The following KANSL1 variants were observed in gnomAD, a reference collection of about 807,000 sequenced individuals.
KANSL1 encodes KAT8 regulatory NSL complex subunit 1, also known as MLL1/MLL complex subunit KANSL1.
KANSL1 carries 22 observed loss-of-function variants against 103.6 expected under a neutral mutation model. The ratio of observed to expected loss-of-function variants is 0.21; its 90% CI spans 0.15 to 0.30. The LOEUF is 0.30. Among genes scored for constraint, KANSL1 ranks in the 10% least tolerant of loss-of-function variants. The pLI is 1.00. For synonymous variants in KANSL1, 600 were observed against 527.6 expected (o/e 1.14, Z -1.88); for missense variants, 1,337 against 1,399.8 (o/e 0.96, Z 0.72).
chr17:46,105,904 TTG>T (rs2042522995), intron 2 of KANSL1, among the ~76,000 whole-genome samples: 1 of 84,796 alleles, frequency 1.2e-5, no homozygotes, highest in Non-Finnish European at 2.4e-5. Context: ...GAGCAAGGCC[TTG>T]ACACACACAC....
At chr17:46,182,398 T>G (rs1180780071) in intron 1 of KANSL1, among the ~76,000 whole-genome samples, 4 of 152,358 alleles carry the variant, frequency 2.6e-5, no homozygotes, top group Admixed American at 2.6e-4. Flanking sequence ...CATTATGGAA[T>G]GCACTGCAAA....
At chr17:46,075,340 ACACTCT>A (rs904224903) in intron 4 of KANSL1, among the ~76,000 whole-genome samples, 4 of 152,058 alleles carry the variant, frequency 2.6e-5, no homozygotes, top group African/African-American at 9.7e-5. Context: ...CAACACACAC[ACACTCT>A]CTCTTTCTTT....
chr17:46,207,509 C>CAAA, intron 1 of KANSL1, among the ~76,000 whole-genome samples: 1 of 113,782 alleles, frequency 8.8e-6, no homozygotes, highest in Admixed American at 9.0e-5. Flanking sequence ...ACTCCATCTC[C>CAAA]AAAAAAAAAA....
At chr17:46,180,610 C>CA (rs2046741564) in intron 1 of KANSL1, among the ~76,000 whole-genome samples, 1 of 152,184 alleles carries the variant, frequency 6.6e-6, no homozygotes, top group African/African-American at 2.4e-5. Flanking sequence ...CACTTGAACC[C>CA]AGGAGGCAGA....
chr17:46,119,656 C>A lies in KANSL1; in HGVS notation c.1290-24955G>T, dbSNP rs980748613. ...CACTTCATCTAAAATTCAACTTGTA[C>A]AAATTCCAATCTTTCATCTAAAACT... On this transcript the variant is annotated intron_variant, in intron 2 of 14. Coordinates refer to ENST00000432791, the MANE Select transcript of KANSL1 (RefSeq NM_015443.4). Among the ~76,000 whole-genome samples the A allele has an allele frequency of 2.0e-5, 3 of 152,234 alleles. No homozygotes were observed. In the East Asian group the frequency reaches 5.8e-4, roughly 29 times the overall value.
At position 46,039,888 on chromosome 17, in the gene KANSL1, C is replaced by T; in HGVS notation, c.2021-4G>A. 2 of 1,614,014 alleles carry T rather than the reference C, an allele frequency of 1.2e-6. No homozygotes were observed. The highest frequency in any genetic ancestry group is 1.7e-6 in the Non-Finnish European group (2 of 1,179,898). On this transcript the variant is annotated splice_region_variant and splice_polypyrimidine_tract_variant and intron_variant, in intron 7 of 14. Transcript: ENST00000432791. ...AAATGCAGGCTTGTGGGAACATCTG[C>T]AAGAAACATAAAATGCTACAGGTTA...
chr17:46,060,036 A>G (rs984676732), intron 6 of KANSL1, among the ~76,000 whole-genome samples: 6 of 152,208 alleles, frequency 3.9e-5, no homozygotes, highest in African/African-American at 1.4e-4. Context: ...AAAATACTTG[A>G]TACACGAAGA....
intron 5 of KANSL1, 150 bp from the exon 6 acceptor site, chr17:46,066,882 C>G: frequency 1.6e-6 from 1 of 616,498 alleles, no homozygotes. Context: ...AGAGCAGAAG[C>G]AGGTCTCCTC....
chr17:46,153,479 G>A (rs1244673956), intron 2 of KANSL1, among the ~76,000 whole-genome samples: 1 of 152,172 alleles, frequency 6.6e-6, no homozygotes, highest in Admixed American at 6.5e-5. Context: ...CCCAAAATGT[G>A]GGCTGGAAAT....
chr17:46,149,899 G>A (rs1165304432), intron 2 of KANSL1, among the ~76,000 whole-genome samples: 2 of 151,828 alleles, frequency 1.3e-5, no homozygotes, highest in Admixed American at 6.6e-5. Flanking sequence ...GCGGGCGCCT[G>A]TAATCCCAGC....
intron 2 of KANSL1, among the ~76,000 whole-genome samples, chr17:46,165,613 T>C (rs1038869059): frequency 2.0e-5 from 3 of 151,882 alleles, no homozygotes; most frequent in African/African-American, 4.8e-5. Flanking sequence ...TGGGTTCAAG[T>C]GATTCTCGTG....
At chr17:46,169,301 C>G (rs1365516550) in intron 2 of KANSL1, among the ~76,000 whole-genome samples, 1 of 152,166 alleles carries the variant, frequency 6.6e-6, no homozygotes, top group African/African-American at 2.4e-5. Flanking sequence ...AATCTAAATA[C>G]AGAAGTGGAC....
Position 46,145,133 on chromosome 17 carries a change from T to C in KANSL1, c.1289+25722A>G, listed in dbSNP as rs770225891. Among the ~76,000 whole-genome samples, 3 of 149,868 alleles carry C rather than the reference T, an allele frequency of 2.0e-5. No homozygotes were observed. In the South Asian group the frequency reaches 6.3e-4, roughly 31 times the overall value. On this transcript the variant is annotated intron_variant, in intron 2 of 14. Coordinates refer to ENST00000432791, the MANE Select transcript of KANSL1 (RefSeq NM_015443.4). ...CTCATCCAAAAACTTGCTTCTTATA[T>C]TCTGCTTTTAACCCGATCTACACAA...
At position 46,171,196 on chromosome 17, in the gene KANSL1, A is replaced by G. The variant is rs2046266680; in HGVS notation, c.948T>C (p.His316=). The part of the protein sequence containing the change: ...QVVQAKQVER[H]IQHQLGGFLE... ...AAAATCCACCCAGCTGATGTTGTAT[A>G]TGCCTCTCAACCTGCTTGGCTTGCA... is the stretch of plus-strand genomic sequence containing the variant. The change falls in exon 2 of 15, where the codon CAT becomes CAC. Residue 316 remains histidine, a synonymous_variant. Coordinates refer to ENST00000432791, the MANE Select transcript of KANSL1 (RefSeq NM_015443.4). 2 of 1,614,028 alleles carry G rather than the reference A, an allele frequency of 1.2e-6. No individual in the cohort carries two copies. Among genetic ancestry groups the G allele is most frequent in the African/African-American group, 2.7e-5 (2 of 74,914 alleles).
At chr17:46,108,473 C>T (rs1310268938) in intron 2 of KANSL1, among the ~76,000 whole-genome samples, 1 of 152,220 alleles carries the variant, frequency 6.6e-6, no homozygotes, top group Non-Finnish European at 1.5e-5. Flanking sequence ...TTTCCCGCTT[C>T]CTGGCTTTAT....
At chr17:46,102,397 C>T (rs2042361708) in intron 2 of KANSL1, among the ~76,000 whole-genome samples, 1 of 152,142 alleles carries the variant, frequency 6.6e-6, no homozygotes, top group South Asian at 2.1e-4. Flanking sequence ...TTACAGGTGC[C>T]TGTCACCATG....
intron 1 of KANSL1, among the ~76,000 whole-genome samples, chr17:46,178,997 A>T (rs953765238): frequency 1.3e-5 from 2 of 152,242 alleles, no homozygotes; most frequent in East Asian, 1.9e-4. Flanking sequence ...TCTAGGATAG[A>T]GTTTCTCAAC....
At chr17:46,085,206 T>TA (rs892630582) in intron 3 of KANSL1, among the ~76,000 whole-genome samples, 48 of 152,114 alleles carry the variant, frequency 3.2e-4, no homozygotes, top group African/African-American at 1.0e-3. Context: ...AGTAGAAGGT[T>TA]AAAAAAAACT....
At chr17:46,167,793 A>G (rs1363018892) in intron 2 of KANSL1, among the ~76,000 whole-genome samples, 1 of 152,268 alleles carries the variant, frequency 6.6e-6, no homozygotes, top group Non-Finnish European at 1.5e-5. Flanking sequence ...AAAATTAATC[A>G]TTCTATAGCT....
Sources: allele counts gnomAD v4.1 joint callset (sites outside exome capture counted in the v4.1 genomes callset), GRCh38; gene constraint gnomAD v4.1.1; transcripts MANE v1.5; gene names NCBI Gene and HGNC (gene_info 2026-07-23, HGNC 2026-07-21).